CD109: variants seen among roughly 807,000 people sequenced by gnomAD.
The protein encoded by CD109 is CD109 molecule.
CD109 carries 149 observed loss-of-function variants against 165.8 expected under a neutral mutation model. The observed-to-expected ratio is 0.90, with a 90% CI of 0.79 to 1.03. The LOEUF (loss-of-function observed/expected upper bound fraction) is 1.03. Among genes scored for constraint, CD109 ranks in the 50% least tolerant of loss-of-function variants. The pLI is 0.00. For synonymous variants in CD109, 585 were observed against 592.1 expected, an observed-to-expected ratio of 0.99 and a Z score of 0.18; for missense variants, 1,712 against 1,677.8, an observed-to-expected ratio of 1.02 and a Z score of -0.36.
At chr6:73,679,978 T>C in the CD109 span, among the ~76,000 whole-genome samples, 1 of 152,190 alleles carries the variant, frequency 6.6e-6, no homozygotes, top group Non-Finnish European at 1.5e-5. Context: ...ATGTTTTACG[T>C]GGAAAGTTTA....
At chr6:73,775,800 C>T (rs532974101) in intron 15 of CD109, among the ~76,000 whole-genome samples, 5 of 152,270 alleles carry the variant, frequency 3.3e-5, no homozygotes, top group Non-Finnish European at 5.9e-5. Context: ...AGTTAGTTTG[C>T]TAAGGATAAT....
In CD109 at chr6:73,820,469, A is replaced by C. The variant is rs771001608; in HGVS notation, c.4068A>C (p.Glu1356Asp). 7 of 1,602,264 alleles carry C rather than the reference A, an allele frequency of 4.4e-6. No individual in the cohort carries two copies. In the East Asian group the frequency reaches 1.6e-4, roughly 36 times the overall value. ...CTTTTGTATTTCTCAAGGTAAATGAAACCCAGTTTTGTGTTAATATTCCTG... is the reference window on the plus strand; with the variant it reads ...CTTTTGTATTTCTCAAGGTAAATGACACCCAGTTTTGTGTTAATATTCCTG... The part of the protein sequence containing the change: ...KLNLYLDSVN[E>D]TQFCVNIPAV... Residue 1356 changes from glutamate to aspartate, a missense_variant, in exon 32 of 33, where the codon GAA becomes GAC. Coordinates refer to ENST00000287097, the MANE Select transcript of CD109 (RefSeq NM_133493.5).
At chr6:73,713,732 AC>A (rs1245147869) in intron 2 of CD109, among the ~76,000 whole-genome samples, 2 of 152,182 alleles carry the variant, frequency 1.3e-5, no homozygotes, top group Non-Finnish European at 2.9e-5. Context: ...AAAAGACAAA[AC>A]AAAAAACACT....
chr6:73,708,890 C>A (rs1771409846), intron 2 of CD109, among the ~76,000 whole-genome samples: 1 of 152,004 alleles, frequency 6.6e-6, no homozygotes, highest in Non-Finnish European at 1.5e-5. Flanking sequence ...TTTGTAGATT[C>A]TGGATATTAG....
At chr6:73,765,894 C>T in intron 10 of CD109, 36 bp from the exon 11 acceptor site, 2 of 1,426,826 alleles carry the variant, frequency 1.4e-6, no homozygotes, top group South Asian at 2.4e-5. Flanking sequence ...TACTTAAATC[C>T]TTTGTGTTTT....
rs146549297 is a variant in CD109 at position 73,728,965 on chromosome 6, G to A, written c.277-1379G>A. Reference sequence around the variant, plus strand: ...GGGCATTTCTGATTTGGAGTCTCACGAGGTTGCAATCAAGATATCAGCTAG... The same window carrying A: ...GGGCATTTCTGATTTGGAGTCTCACAAGGTTGCAATCAAGATATCAGCTAG... On this transcript the variant is annotated intron_variant, in intron 3 of 32. Transcript: ENST00000287097. Among the ~76,000 whole-genome samples the A allele has an allele frequency of 2.5e-3, 378 of 152,310 alleles. 4 individuals carry two copies. Among genetic ancestry groups the A allele is most frequent in the African/African-American group, 8.5e-3 (353 of 41,570 alleles).
At chr6:73,791,132 CATACATAT>C (rs1409702254) in intron 22 of CD109, among the ~76,000 whole-genome samples, 80 of 46,766 alleles carry the variant, frequency 1.7e-3, no homozygotes, top group East Asian at 2.4e-3. Context: ...TATATACATA[CATACATAT>C]ATATATATAT....
At chr6:73,712,926 G>T (rs1379561492) in intron 2 of CD109, among the ~76,000 whole-genome samples, 1 of 152,152 alleles carries the variant, frequency 6.6e-6, no homozygotes, top group African/African-American at 2.4e-5. Context: ...TGCCATACTG[G>T]GTTTCAAGAG....
intron 5 of CD109, among the ~76,000 whole-genome samples, chr6:73,737,467 CGAAT>C (rs35222476): frequency 0.58 from 86,574 of 150,436 alleles, 25,935 homozygotes; most frequent in East Asian, 0.81. Context: ...GAAGCTCTAC[CGAAT>C]GAATGTATGA....
chr6:73,729,491 G>A (rs1441669044), intron 3 of CD109, among the ~76,000 whole-genome samples: 3 of 142,040 alleles, frequency 2.1e-5, no homozygotes, highest in Non-Finnish European at 3.0e-5. Context: ...GACTTCTATT[G>A]TTATTATTAT....
intron 5 of CD109, among the ~76,000 whole-genome samples, chr6:73,751,813 T>G (rs1360154133): frequency 6.6e-6 from 1 of 152,214 alleles, no homozygotes; most frequent in African/African-American, 2.4e-5. Context: ...TCGAAAGCTC[T>G]CTCCTGAAAT....
In CD109 at chr6:73,763,647, A is replaced by G. The variant is rs1477237486; in HGVS notation, c.1069A>G (p.Thr357Ala). ...TTACATCATTGAGTTTTTTGATTAT[A>G]CTACTGTCTTGAAGCCATCTCTCAA... ...HDYIIEFFDYTTVLKPSLNFT... is the reference protein window; with the variant it reads ...HDYIIEFFDYATVLKPSLNFT... Residue 357 changes from threonine to alanine, a missense_variant, in exon 10 of 33, where the codon ACT becomes GCT. Coordinates refer to ENST00000287097, the MANE Select transcript of CD109 (RefSeq NM_133493.5). 3.1e-6 allele frequency: 5 copies of G among 1,592,458 alleles called. No homozygotes were observed. Among genetic ancestry groups the G allele is most frequent in the East Asian group, 2.3e-5 (1 of 44,406 alleles).
At chr6:73,767,150 A>G in intron 13 of CD109, 140 bp downstream of exon 13, 2 of 695,032 alleles carry the variant, frequency 2.9e-6, no homozygotes, top group Non-Finnish European at 4.9e-6. Context: ...TTATTTCATC[A>G]CCCAGGTATT....
At chr6:73,743,230 A>G (rs1026260068) in intron 5 of CD109, among the ~76,000 whole-genome samples, 1 of 152,230 alleles carries the variant, frequency 6.6e-6, no homozygotes, top group African/African-American at 2.4e-5. Flanking sequence ...CTTGGGAACC[A>G]CTGAACTTGA....
intron 22 of CD109, 62 bp from the exon 23 acceptor site, chr6:73,792,564 G>C (rs1010061785): frequency 2.1e-6 from 3 of 1,447,770 alleles, no homozygotes; most frequent in Non-Finnish European, 2.9e-6. Context: ...AAGTCTCTTT[G>C]CCACCAGCAG....
At chr6:73,781,006 C>T (rs987278547) in intron 16 of CD109, among the ~76,000 whole-genome samples, 19 of 112,838 alleles carry the variant, frequency 1.7e-4, no homozygotes, top group African/African-American at 5.2e-4. Context: ...TATGTGTATG[C>T]GTGTGTGTGT....
rs574204659 is a variant in CD109 at position 73,806,880 on chromosome 6, C to A, written c.2997C>A (p.Ala999=). The A allele has an allele frequency of 2.5e-6, 4 of 1,613,152 alleles. No individual in the cohort carries two copies. In the South Asian group the frequency reaches 4.4e-5, roughly 18 times the overall value. The change falls in exon 25 of 33, where the codon GCC becomes GCA. Residue 999 remains alanine, a synonymous_variant. Coordinates refer to ENST00000287097, the MANE Select transcript of CD109 (RefSeq NM_133493.5). ...TTGTTTTAAGATGTTTCCTTGAAGC[C>A]GATCCTTACATAGATATTGATCAGA... is the stretch of plus-strand genomic sequence containing the variant. ...SAFVLRCFLE[A]DPYIDIDQNV... is the part of the protein sequence containing the mutation.
chr6:73,823,502 T>G lies in CD109; in HGVS notation c.4207T>G (p.Ser1403Ala). The G allele has an allele frequency of 6.2e-7, 1 of 1,613,658 alleles. No individual in the cohort carries two copies. The highest frequency in any genetic ancestry group is 8.5e-7 in the Non-Finnish European group (1 of 1,179,628). Residue 1403 changes from serine (S) to alanine (A), a missense_variant, in exon 33 of 33, where the codon TCC (serine) becomes GCC (alanine). Transcript: ENST00000287097. ...RSYNSEVKLS[S>A]CDLCSDVQGC... ...TTACAACTCTGAAGTGAAGCTGTCC[T>G]CCTGTGACCTTTGCAGTGATGTCCA... is the stretch of plus-strand genomic sequence containing the variant.
rs1319766738 is a variant in CD109 at position 73,785,396 on chromosome 6, GA to G, written c.2258del (p.Asn753IlefsTer16). 6.2e-7 allele frequency: 1 copy of G among 1,602,760 alleles called. No individual in the cohort carries two copies. The highest frequency in any genetic ancestry group is 1.1e-5 in the South Asian group (1 of 88,626). On this transcript the variant is annotated frameshift_variant, in exon 20 of 33. Coordinates refer to ENST00000287097, the MANE Select transcript of CD109 (RefSeq NM_133493.5). LOFTEE classifies it high-confidence loss of function. Reference sequence around the variant, plus strand: ...CCTTCCAACCATTTTTCATTTTTTTGAATCTTCCCTACTCTGTTATCAGAGG... The same window carrying G: ...CCTTCCAACCATTTTTCATTTTTTTGATCTTCCCTACTCTGTTATCAGAGG... ...QAFQPFFIFL[N>X]LPYSVIRGEE...
Sources: gnomAD v4.1 joint callset for allele counts (sites outside exome capture counted in the v4.1 genomes callset) on GRCh38, gnomAD v4.1.1 for gene constraint, MANE v1.5 for transcripts, NCBI Gene and HGNC (gene_info 2026-07-23, HGNC 2026-07-21) for gene names.